Variants in HSH2D observed in about 807,000 individuals in gnomAD.
HSH2D encodes the protein hematopoietic SH2 domain-containing protein.
A neutral mutation model predicts 21.5 loss-of-function variants in HSH2D; 16 were observed. The ratio of observed to expected loss-of-function variants is 0.74; its 90% confidence interval spans 0.50 to 1.13. The LOEUF is 1.13. Among genes scored for constraint, HSH2D ranks in the 50% most tolerant of loss-of-function variants. HSH2D has a pLI of 0.00. For missense variants in HSH2D, 418 were observed against 441.4 expected (o/e 0.95, Z 0.47); for synonymous variants, 172 against 184.7 (o/e 0.93, Z 0.56).
rs1490658133 is a variant in HSH2D, at chr19:16,154,395, G to A, written c.382-4G>A. On this transcript the variant is annotated splice_polypyrimidine_tract_variant and splice_region_variant and intron_variant, in intron 4 of 5. Transcript: ENST00000613986. The stretch of plus-strand genomic sequence containing the variant: ...CTGAGCTACAGGCCCCTTCCGCCCT[G>A]CAGAAGGATCCCGCAAACGTGGATT... 6.5e-7 allele frequency: 1 copy of A among 1,549,188 alleles called. No individual in the cohort carries two copies. The highest frequency in any genetic ancestry group is 1.2e-5 in the South Asian group (1 of 83,972).
chr19:16,145,712 T>C, intron 1 of HSH2D, among the ~76,000 whole-genome samples: 1 of 152,116 alleles, frequency 6.6e-6, no homozygotes, highest in South Asian at 2.1e-4. Flanking sequence ...AGTAAAAAGA[T>C]CTTTTGAGAT....
At chr19:16,156,609 A>G (rs2091240168) in intron 5 of HSH2D, among the ~76,000 whole-genome samples, 1 of 152,230 alleles carries the variant, frequency 6.6e-6, no homozygotes, top group Non-Finnish European at 1.5e-5. Context: ...GACCTCTGGC[A>G]TCCGCTACAA....
chr19:16,150,398 G>A (rs943058957), intron 2 of HSH2D, among the ~76,000 whole-genome samples: 1 of 152,186 alleles, frequency 6.6e-6, no homozygotes, highest in Non-Finnish European at 1.5e-5. Context: ...AATTAGCCAG[G>A]CGTGGTGGCG....
intron 2 of HSH2D, among the ~76,000 whole-genome samples, chr19:16,150,460 A>G (rs2091132799): frequency 6.6e-6 from 1 of 151,672 alleles, no homozygotes; most frequent in African/African-American, 2.4e-5. Context: ...AATCACTTGA[A>G]CCCAGGAGGC....
chr19:16,144,052 T>C (rs1249334868), intron 1 of HSH2D, among the ~76,000 whole-genome samples: 1 of 151,626 alleles, frequency 6.6e-6, no homozygotes, highest in Non-Finnish European at 1.5e-5. Context: ...AGAATGTGGG[T>C]AGCGGGGAAG....
intron 1 of HSH2D, among the ~76,000 whole-genome samples, chr19:16,138,025 G>A (rs1054539306): frequency 5.3e-5 from 8 of 151,830 alleles, no homozygotes; most frequent in African/African-American, 1.7e-4. Flanking sequence ...CCGCCACCAC[G>A]CCTGGCTAAT....
chr19:16,156,141 G>A (rs1179903769), intron 5 of HSH2D, among the ~76,000 whole-genome samples: 1 of 151,832 alleles, frequency 6.6e-6, no homozygotes, highest in Non-Finnish European at 1.5e-5. Flanking sequence ...ATTGCTTGAG[G>A]CCAGGACTTT....
chr19:16,135,576 C>G (rs1165265654), intron 1 of HSH2D, among the ~76,000 whole-genome samples: 1 of 152,178 alleles, frequency 6.6e-6, no homozygotes, highest in Non-Finnish European at 1.5e-5. Context: ...CTGGCTCACT[C>G]CACTCCAATC....
At chr19:16,148,951 A>G in intron 2 of HSH2D, 76 bp downstream of exon 2, 1 of 1,463,022 alleles carries the variant, frequency 6.8e-7, no homozygotes, top group South Asian at 1.3e-5. Flanking sequence ...GCAGCTTTTA[A>G]CTGCAGAATT....
chr19:16,146,623 A>C (rs1384980722), intron 1 of HSH2D, among the ~76,000 whole-genome samples: 1 of 152,058 alleles, frequency 6.6e-6, no homozygotes, highest in African/African-American at 2.4e-5. Context: ...GGCTGCAGTG[A>C]GCATGAGCTG....
chr19:16,155,070 G>T (rs1234033771), intron 5 of HSH2D, among the ~76,000 whole-genome samples: 4 of 152,102 alleles, frequency 2.6e-5, no homozygotes, highest in African/African-American at 9.7e-5. Flanking sequence ...CCTCTGAAAG[G>T]ACCTGCCATA....
Position 16,153,080 on chromosome 19 carries a change from T to C in HSH2D, c.253T>C (p.Leu85=). Reference sequence around the variant, plus strand: ...CTGCTGCCATTTCATGGTGAAGCTCTTGGATGATGGGACTTTCATGATCCC... The same window carrying C: ...CTGCTGCCATTTCATGGTGAAGCTCCTGGATGATGGGACTTTCATGATCCC... ...SSCCHFMVKL[L]DDGTFMIPGE... The change falls in exon 4 of 6, where the codon TTG becomes CTG. Residue 85 remains leucine, a synonymous_variant. Transcript: ENST00000613986. The C allele has an allele frequency of 6.2e-7, 1 of 1,611,176 alleles. No homozygotes were observed. The highest frequency in any genetic ancestry group is 8.5e-7 in the Non-Finnish European group (1 of 1,178,866).
At chr19:16,141,850 G>C (rs1568326659), upstream of HSH2D, 1 of 152,210 alleles carries the variant, frequency 6.6e-6, no homozygotes, top group Non-Finnish European at 1.5e-5. Context: ...CTTGAACCAA[G>C]GTGGGCGGAT....
At chr19:16,136,158 G>A (rs1040377897) in intron 1 of HSH2D, among the ~76,000 whole-genome samples, 6 of 152,120 alleles carry the variant, frequency 3.9e-5, no homozygotes, top group African/African-American at 1.4e-4. Context: ...CTCCGAGCAC[G>A]CACTCAGGAG....
intron 2 of HSH2D, 92 bp from the exon 3 acceptor site, chr19:16,152,460 C>T (rs1026898323): frequency 1.1e-5 from 7 of 646,630 alleles, no homozygotes; most frequent in Non-Finnish European, 1.7e-5. Context: ...AACTACCAGC[C>T]TTCTCCATGA....
chr19:16,147,075 C>G (rs971122951), intron 1 of HSH2D, among the ~76,000 whole-genome samples: 2 of 152,084 alleles, frequency 1.3e-5, no homozygotes, highest in South Asian at 2.1e-4. Flanking sequence ...ATCCACCTGC[C>G]TCAGCCTCCC....
chr19:16,152,375 G>A (rs1342549728), intron 2 of HSH2D, among the ~76,000 whole-genome samples, 177 bp from the exon 3 acceptor site: 5 of 147,862 alleles, frequency 3.4e-5, no homozygotes, highest in African/African-American at 1.3e-4. Context: ...TTGAGATCGC[G>A]CCACTGCACT....
chr19:16,152,559 G>A lies in HSH2D; in HGVS notation c.133G>A (p.Glu45Lys), dbSNP rs770936437. 6 of 1,497,186 alleles carry A rather than the reference G, an allele frequency of 4.0e-6. No homozygotes were observed. The South Asian group carries it at 4.3e-5, about 11-fold the overall frequency. 92.7% of individuals were successfully genotyped at this position (1,497,186 alleles called of 1,614,324 possible). A position where few individuals can be genotyped will look rare whatever the true frequency, so the allele number is the denominator to read the frequency against. The change falls in exon 3 of 6, where the codon GAG becomes AAG. Residue 45 changes from glutamate to lysine, a missense_variant. Coordinates refer to ENST00000613986, the MANE Select transcript of HSH2D (RefSeq NM_001382417.1). ...FHGAISREDA[E>K]NLLESQPLGS... Reference sequence around the variant, plus strand: ...CTGTGTGTGCCCTTCCAGGGATGCTGAGAACTTGCTGGAGTCACAGCCACT... The same window carrying A: ...CTGTGTGTGCCCTTCCAGGGATGCTAAGAACTTGCTGGAGTCACAGCCACT...
At position 16,154,423 on chromosome 19, in the gene HSH2D, G is replaced by A. The variant is rs368588071; in HGVS notation, c.406G>A (p.Glu136Lys). 17 of 1,551,460 alleles carry A rather than the reference G, an allele frequency of 1.1e-5. No homozygotes were observed. Among genetic ancestry groups the A allele is most frequent in the Admixed American group, 9.8e-5 (5 of 50,984 alleles). ...RQKDPANVDY[E>K]DLFLYSNAVA... ...GAAGGATCCCGCAAACGTGGATTAC[G>A]AGGATCTCTTCCTCTACTCCAACGC... Residue 136 changes from glutamate to lysine, a missense_variant, in exon 5 of 6, where the codon GAG (glutamate) becomes AAG (lysine). Glu to Lys is a moderately conservative substitution (Grantham distance 56, BLOSUM62 1). Coordinates refer to ENST00000613986, the MANE Select transcript of HSH2D (RefSeq NM_001382417.1).
Sources: allele counts gnomAD v4.1 joint callset (sites outside exome capture counted in the v4.1 genomes callset), GRCh38; gene constraint gnomAD v4.1.1; transcripts MANE v1.5; gene names NCBI Gene and HGNC (gene_info 2026-07-23, HGNC 2026-07-21).